Variants in MYO3A observed in about 807,000 individuals in gnomAD.
MYO3A encodes myosin-IIIa.
MYO3A carries 180 observed loss-of-function variants against 192.7 expected under a neutral mutation model. The observed-to-expected ratio is 0.93, with a 90% CI of 0.83 to 1.06. MYO3A has a LOEUF of 1.06. Among genes scored for constraint, MYO3A ranks in the 50% least tolerant of loss-of-function variants. The probability of loss-of-function intolerance (pLI) is 0.00; values close to 1 mark genes in which losing one functional copy is unlikely to be tolerated. For synonymous variants in MYO3A, 628 were observed against 645.3 expected, an observed-to-expected ratio of 0.97 and a Z score of 0.41; for missense variants, 1,896 against 1,905.0, an observed-to-expected ratio of 1.00 and a Z score of 0.09.
At chr10:26,016,698 G>A (rs1842001251) in intron 6 of MYO3A, 122 bp from the exon 7 acceptor site, 2 of 887,042 alleles carry the variant, frequency 2.3e-6, no homozygotes, top group Non-Finnish European at 3.6e-6. Flanking sequence ...TGTGACACTA[G>A]GTCCACTGGC....
chr10:26,164,608 C>A (rs758337649), intron 26 of MYO3A, among the ~76,000 whole-genome samples: 4 of 152,126 alleles, frequency 2.6e-5, no homozygotes, highest in Non-Finnish European at 5.9e-5. Flanking sequence ...TGGTCAGGAT[C>A]CAGAGCTTTC....
intron 5 of MYO3A, 49 bp downstream of exon 5, chr10:25,996,643 TA>T: frequency 6.9e-7 from 1 of 1,458,856 alleles, no homozygotes; most frequent in East Asian, 2.3e-5. Context: ...CAGTTCCAGT[TA>T]AAAAATGTAG....
intron 2 of MYO3A, among the ~76,000 whole-genome samples, chr10:25,939,072 C>G (rs192021431): frequency 6.6e-6 from 1 of 152,214 alleles, no homozygotes; most frequent in Middle Eastern, 3.4e-3. Flanking sequence ...CACATGAATG[C>G]AGTCATTTCA....
chr10:25,981,070 AGT>A (rs1209236413), intron 4 of MYO3A, among the ~76,000 whole-genome samples: 1 of 152,088 alleles, frequency 6.6e-6, no homozygotes, highest in Admixed American at 6.5e-5. Flanking sequence ...CCTTTTCCAG[AGT>A]GTTATATAAT....
chr10:26,207,735 C>G (rs1156823012), intron 34 of MYO3A, among the ~76,000 whole-genome samples: 1 of 87,984 alleles, frequency 1.1e-5, no homozygotes, highest in Non-Finnish European at 2.2e-5. Flanking sequence ...TCTTTTTGCT[C>G]AAGATAGCTT....
chr10:25,956,495 ATTTTTTT>A (rs562368305), intron 4 of MYO3A, among the ~76,000 whole-genome samples: 5 of 128,830 alleles, frequency 3.9e-5, no homozygotes, highest in East Asian at 2.2e-4. Context: ...GCCCAGCTAA[ATTTTTTT>A]TTTTTTTTTT....
chr10:26,153,967 A>T, intron 24 of MYO3A, 38 bp downstream of exon 24: 1 of 1,404,142 alleles, frequency 7.1e-7, no homozygotes, highest in Non-Finnish European at 1.0e-6. Context: ...TGAGTCTAAG[A>T]ATCTAACCGG....
chr10:26,206,500 G>A (rs1843956919), intron 34 of MYO3A, among the ~76,000 whole-genome samples: 1 of 151,666 alleles, frequency 6.6e-6, no homozygotes, highest in African/African-American at 2.4e-5. Flanking sequence ...CCAGGCTGGA[G>A]TTCAATGGCA....
intron 4 of MYO3A, among the ~76,000 whole-genome samples, chr10:25,963,652 G>C (rs1447663077): frequency 2.0e-5 from 3 of 152,144 alleles, no homozygotes; most frequent in Non-Finnish European, 4.4e-5. Flanking sequence ...TGGAGTAGCA[G>C]ACTCACAGTG....
intron 34 of MYO3A, 61 bp downstream of exon 34, chr10:26,203,168 A>C: frequency 6.5e-7 from 1 of 1,539,638 alleles, no homozygotes; most frequent in Non-Finnish European, 8.9e-7. Context: ...TTCATTTCTT[A>C]AGATATTTCA....
chr10:26,038,354 T>A (rs1475276655), intron 10 of MYO3A, among the ~76,000 whole-genome samples: 3 of 152,230 alleles, frequency 2.0e-5, no homozygotes, highest in Non-Finnish European at 4.4e-5. Flanking sequence ...ATCTTTCCAT[T>A]TTTTGGTGTC....
Position 26,128,518 on chromosome 10 carries a change from CA to C in MYO3A, c.2243del (p.His748LeufsTer11). On this transcript the variant is annotated frameshift_variant, in exon 20 of 35. Transcript: ENST00000642920. LOFTEE classifies it high-confidence loss of function. ...ACAAATTCAGTATTATTATAATCAA[CA>C]TGTGTTTGCATGGGAACAGGTAAGT... The part of the protein sequence containing the change: ...NEQIQYYYNQ[H>X]VFAWEQNEYL... The C allele has an allele frequency of 6.2e-7, 1 of 1,611,408 alleles. No homozygotes were observed. The highest frequency in any genetic ancestry group is 8.5e-7 in the Non-Finnish European group (1 of 1,178,472).
intron 14 of MYO3A, among the ~76,000 whole-genome samples, chr10:26,074,536 T>A (rs1343503998): frequency 6.8e-6 from 1 of 147,702 alleles, no homozygotes; most frequent in Non-Finnish European, 1.5e-5. Context: ...AGTGTCACAC[T>A]TTTTATTGCT....
chr10:26,008,360 A>C (rs1288859593), intron 6 of MYO3A, among the ~76,000 whole-genome samples: 2 of 148,666 alleles, frequency 1.3e-5, no homozygotes, highest in African/African-American at 5.2e-5. Context: ...AAGCAATGGC[A>C]ACAAAAGCCA....
intron 32 of MYO3A, among the ~76,000 whole-genome samples, chr10:26,196,014 A>C (rs564941830): frequency 6.6e-6 from 1 of 152,388 alleles, no homozygotes; most frequent in Admixed American, 6.5e-5. Flanking sequence ...AAATTGAGAA[A>C]AATCTAAAAT....
chr10:25,956,797 A>G (rs1387622591), intron 4 of MYO3A, among the ~76,000 whole-genome samples: 1 of 152,064 alleles, frequency 6.6e-6, no homozygotes, highest in Non-Finnish European at 1.5e-5. Flanking sequence ...ATATAGGTAA[A>G]CTTGTGTCAC....
chr10:26,088,072 C>T (rs1836452193), intron 14 of MYO3A, 131 bp from the exon 15 acceptor site: 1 of 723,284 alleles, frequency 1.4e-6, no homozygotes, highest in East Asian at 2.8e-5. Flanking sequence ...GATGTAACAT[C>T]TGCCAATATA....
chr10:26,120,385 T>TTCTA (rs1334219423), intron 17 of MYO3A, among the ~76,000 whole-genome samples: 4 of 152,332 alleles, frequency 2.6e-5, no homozygotes, highest in East Asian at 1.9e-4. Flanking sequence ...AATGAGGCAT[T>TTCTA]TCTACTTCCT....
At chr10:25,991,931 T>C (rs138386175) in intron 4 of MYO3A, among the ~76,000 whole-genome samples, 238 of 152,348 alleles carry the variant, frequency 1.6e-3, no homozygotes, top group African/African-American at 5.5e-3. Context: ...GTAGTATAGT[T>C]TGAAGTCAGG....
Sources: gnomAD v4.1 joint callset for allele counts (sites outside exome capture counted in the v4.1 genomes callset) on GRCh38, gnomAD v4.1.1 for gene constraint, MANE v1.5 for transcripts, NCBI Gene and HGNC (gene_info 2026-07-23, HGNC 2026-07-21) for gene names.